TAFA1: variants seen among roughly 807,000 people sequenced by gnomAD.
The protein encoded by TAFA1 is chemokine-like protein TAFA-1.
A neutral mutation model predicts 18.5 loss-of-function variants in TAFA1; 4 were observed. The ratio of observed to expected loss-of-function variants is 0.22; its 90% CI spans 0.11 to 0.49. The LOEUF (loss-of-function observed/expected upper bound fraction) is 0.49, where lower values mean the gene tolerates loss of function less well. Among genes scored for constraint, TAFA1 ranks in the 20% least tolerant of loss-of-function variants. The pLI is 0.98. For missense variants in TAFA1, 147 were observed against 169.0 expected (o/e 0.87, Z 0.72); for synonymous variants, 56 against 55.2 (o/e 1.01, Z -0.06).
At chr3:68,346,568 G>A (rs1397149200) in intron 2 of TAFA1, among the ~76,000 whole-genome samples, 1 of 152,174 alleles carries the variant, frequency 6.6e-6, no homozygotes, top group Non-Finnish European at 1.5e-5. Flanking sequence ...GTATTTGGGA[G>A]TGTTCTTTAA....
chr3:68,457,562 A>C (rs951831636), intron 3 of TAFA1, among the ~76,000 whole-genome samples: 1 of 152,192 alleles, frequency 6.6e-6, no homozygotes, highest in Non-Finnish European at 1.5e-5. Flanking sequence ...ATCAACTACA[A>C]CATGTTGTTT....
upstream of TAFA1, among the ~76,000 whole-genome samples, chr3:68,002,603 G>C (rs1030723065): frequency 9.9e-5 from 15 of 152,160 alleles, no homozygotes; most frequent in African/African-American, 3.6e-4. Context: ...TGTACCTCTA[G>C]AAAGAATGAA....
At chr3:68,237,606 G>A (rs1334192620) in intron 2 of TAFA1, among the ~76,000 whole-genome samples, 1 of 152,158 alleles carries the variant, frequency 6.6e-6, no homozygotes, top group Non-Finnish European at 1.5e-5. Context: ...CTTGGAGGCA[G>A]ATTATCTCAA....
rs11717918 is a variant in TAFA1, at chr3:68,544,701, A to G, written c.*198A>G. On this transcript the variant is annotated 3_prime_UTR_variant, in exon 5 of 5. Coordinates refer to ENST00000478136, the MANE Select transcript of TAFA1 (RefSeq NM_213609.4). Reference sequence around the variant, plus strand: ...ACACAGCGTTTTGGCAACACCATGGAAAGTGGGCTTAAAAAAGGGTTTTCT... The same window carrying G: ...ACACAGCGTTTTGGCAACACCATGGGAAGTGGGCTTAAAAAAGGGTTTTCT... 0.26 allele frequency: 134,494 copies of G among 509,952 alleles called. 19,911 individuals are homozygous for G. The highest frequency in any genetic ancestry group is 0.34 in the South Asian group (9,991 of 29,494). 31.6% of individuals were successfully genotyped at this position (509,952 alleles called of 1,614,324 possible).
chr3:68,071,555 A>C (rs2064755193), intron 2 of TAFA1, among the ~76,000 whole-genome samples: 1 of 151,986 alleles, frequency 6.6e-6, no homozygotes, highest in African/African-American at 2.4e-5. Context: ...TTGAAACAGA[A>C]CTCTGGAGCC....
chr3:68,134,030 T>C (rs184044207), intron 2 of TAFA1, among the ~76,000 whole-genome samples: 14 of 122,966 alleles, frequency 1.1e-4, no homozygotes, highest in African/African-American at 3.8e-4. Context: ...AGAGTAGAGA[T>C]AGGATTCAGC....
intron 2 of TAFA1, chr3:68,145,632 G>T (rs1269506653): frequency 1.6e-6 from 2 of 1,269,692 alleles, no homozygotes; most frequent in Non-Finnish European, 2.3e-6. Context: ...CTTGAAGACT[G>T]ACTTATCACT....
chr3:68,045,316 TG>T (rs1394027693), intron 2 of TAFA1, among the ~76,000 whole-genome samples: 1 of 152,178 alleles, frequency 6.6e-6, no homozygotes, highest in Non-Finnish European at 1.5e-5. Context: ...AAAAGTCATA[TG>T]TGCGAGTCCA....
At chr3:68,075,698 CTTTTTT>C (rs61592269) in intron 2 of TAFA1, among the ~76,000 whole-genome samples, 1 of 139,440 alleles carries the variant, frequency 7.2e-6, no homozygotes, top group Non-Finnish European at 1.6e-5. Flanking sequence ...TCTTCTTTCC[CTTTTTT>C]TTTTTTTTTT....
chr3:68,159,718 A>T (rs2065903330), intron 2 of TAFA1, among the ~76,000 whole-genome samples: 1 of 152,152 alleles, frequency 6.6e-6, no homozygotes, highest in South Asian at 2.1e-4. Context: ...TGCCCACTAC[A>T]AACTTTCTCC....
chr3:68,118,904 C>G (rs183519570), intron 2 of TAFA1, among the ~76,000 whole-genome samples: 2 of 152,182 alleles, frequency 1.3e-5, no homozygotes, highest in Non-Finnish European at 2.9e-5. Context: ...ATGGAATTGC[C>G]AAATCATATG....
intron 2 of TAFA1, among the ~76,000 whole-genome samples, chr3:68,400,807 G>A (rs2070472064): frequency 6.6e-6 from 1 of 152,158 alleles, no homozygotes. Context: ...AAACAGACAA[G>A]AGAAGTAGTG....
chr3:68,441,236 C>G (rs1048160390), intron 3 of TAFA1, among the ~76,000 whole-genome samples: 5 of 152,128 alleles, frequency 3.3e-5, no homozygotes, highest in Admixed American at 1.3e-4. Flanking sequence ...CAAGAGAAGG[C>G]TCTGCAACAG....
intron 3 of TAFA1, among the ~76,000 whole-genome samples, chr3:68,517,029 C>T (rs1369757290): frequency 5.3e-5 from 8 of 152,182 alleles, no homozygotes; most frequent in Non-Finnish European, 1.2e-4. Context: ...CCACCTCGGC[C>T]TCCCAAAGTG....
chr3:68,320,107 A>G (rs543347278), intron 2 of TAFA1, among the ~76,000 whole-genome samples: 2 of 152,238 alleles, frequency 1.3e-5, no homozygotes, highest in African/African-American at 4.8e-5. Context: ...AGGGTAGAAT[A>G]TACTACTTAT....
chr3:68,262,311 A>T (rs1311929821), intron 2 of TAFA1, among the ~76,000 whole-genome samples: 1 of 6,192 alleles, frequency 1.6e-4, no homozygotes, highest in Non-Finnish European at 2.8e-4. Context: ...TGGAGGGTAT[A>T]TATATATATA....
intron 3 of TAFA1, among the ~76,000 whole-genome samples, chr3:68,525,974 G>A (rs1575951307): frequency 6.6e-6 from 1 of 152,204 alleles, no homozygotes; most frequent in East Asian, 1.9e-4. Flanking sequence ...GTTCTCAGTT[G>A]TGATTCACTC....
intron 2 of TAFA1, among the ~76,000 whole-genome samples, chr3:68,205,365 C>T (rs1047548771): frequency 6.6e-6 from 1 of 151,892 alleles, no homozygotes; most frequent in African/African-American, 2.4e-5. Context: ...ATCTTGTCCT[C>T]ACAACTTTAT....
chr3:68,194,572 T>C (rs73834885), intron 2 of TAFA1, among the ~76,000 whole-genome samples: 6,186 of 151,776 alleles, frequency 0.041, 146 homozygotes, highest in Middle Eastern at 0.082. Context: ...ATTTTTGTTA[T>C]TGTTGTTGTT....
Sources: allele counts gnomAD v4.1 joint callset (sites outside exome capture counted in the v4.1 genomes callset), GRCh38; gene constraint gnomAD v4.1.1; transcripts MANE v1.5; gene names NCBI Gene and HGNC (gene_info 2026-07-23, HGNC 2026-07-21).